MEFV: variants seen among roughly 807,000 people sequenced by gnomAD.
MEFV encodes MEFV innate immunity regulator, pyrin.
A neutral mutation model predicts 62.5 loss-of-function variants in MEFV; 60 were observed. The observed-to-expected ratio is 0.96, with a 90% CI of 0.78 to 1.19. MEFV has a LOEUF of 1.19. Ranked by LOEUF, MEFV falls within the 50% of genes most tolerant of loss-of-function variation. The pLI is 0.00. For synonymous variants in MEFV, 500 were observed against 415.2 expected, an observed-to-expected ratio of 1.20 and a Z score of -2.48; for missense variants, 1,169 against 1,004.5, an observed-to-expected ratio of 1.16 and a Z score of -2.21.
In MEFV at chr16:3,254,658, C is replaced by A. The variant is rs750051449; in HGVS notation, c.410G>T (p.Gly137Val). 1 of 1,610,244 alleles carries A rather than the reference C, an allele frequency of 6.2e-7. No homozygotes were observed. Among genetic ancestry groups the A allele is most frequent in the South Asian group, 1.1e-5 (1 of 91,046 alleles). Residue 137 changes from glycine (G) to valine (V), a missense_variant, in exon 2 of 10, where the codon GGC (glycine) becomes GTC (valine). Physicochemically the swap from Gly to Val is moderately radical, Grantham distance 109. Transcript: ENST00000219596. ...GCTGCACCGCAGGCTGGCAGCTCCG[C>A]CCCCGTACGGCCGAGGGCCGTTCCC... ...NEGNGPRPYG[G>V]GAASLRCSQP...
At chr16:3,248,395 G>A (rs1958976380) in intron 4 of MEFV, 1 of 169,278 alleles carries the variant, frequency 5.9e-6, no homozygotes, top group African/African-American at 2.4e-5. Context: ...TTCGAGAACA[G>A]CCTGACCAAC....
In MEFV at chr16:3,247,166, G is replaced by C. The variant is rs104895083; in HGVS notation, c.1437C>G (p.Phe479Leu). The C allele has an allele frequency of 2.9e-5, 47 of 1,614,046 alleles. No individual in the cohort carries two copies. The highest frequency in any genetic ancestry group is 3.2e-5 in the Non-Finnish European group (38 of 1,180,040). ...CCACGTCCTCCAGTGAGGCCACAAAGAAATGCTCTTGCTGCTCCAGGAAGT... is the reference window on the plus strand; with the variant it reads ...CCACGTCCTCCAGTGAGGCCACAAACAAATGCTCTTGCTGCTCCAGGAAGT... ...VYYFLEQQEHFFVASLEDVGQ... is the reference protein window; with the variant it reads ...VYYFLEQQEHLFVASLEDVGQ... The change falls in exon 5 of 10, where the codon TTC becomes TTG. Residue 479 changes from phenylalanine to leucine, a missense_variant. Phe to Leu is a conservative substitution (Grantham distance 22). Transcript: ENST00000219596.
intron 6 of MEFV, 102 bp from the exon 7 acceptor site, chr16:3,244,690 C>G (rs1958912993): frequency 1.2e-5 from 10 of 861,182 alleles, no homozygotes; most frequent in Non-Finnish European, 1.9e-5. Flanking sequence ...GCACACCTAG[C>G]CCAGCCTGAG....
intron 7 of MEFV, 72 bp from the exon 8 acceptor site, chr16:3,244,358 T>C (rs1338070210): frequency 1.2e-6 from 2 of 1,610,812 alleles, no homozygotes; most frequent in Admixed American, 1.7e-5. Flanking sequence ...GGAGGAGAGG[T>C]TGAAGGCAGG....
intron 4 of MEFV, 87 bp from the exon 5 acceptor site, chr16:3,247,333 A>T: frequency 8.5e-7 from 1 of 1,180,130 alleles, no homozygotes; most frequent in Non-Finnish European, 1.2e-6. Flanking sequence ...CACCTCCTGG[A>T]GGTGGATAAG....
chr16:3,252,046 A>G (rs1567235969), intron 2 of MEFV: 2 of 307,708 alleles, frequency 6.5e-6, no homozygotes, highest in Non-Finnish European at 1.3e-5. Context: ...GCAAGACCCC[A>G]TATCTAAAAA....
intron 2 of MEFV, among the ~76,000 whole-genome samples, chr16:3,251,310 G>A (rs1181577456): frequency 6.6e-6 from 1 of 152,158 alleles, no homozygotes; most frequent in Non-Finnish European, 1.5e-5. Flanking sequence ...TGTAAATGGA[G>A]GTGTCACAAG....
At chr16:3,254,828 C>A in intron 1 of MEFV, 38 bp from the exon 2 acceptor site, 3 of 1,605,912 alleles carry the variant, frequency 1.9e-6, no homozygotes, top group African/African-American at 2.7e-5. Flanking sequence ...TGAAGCTGTC[C>A]CACGTTTAGG....
chr16:3,243,541 A>G lies in MEFV; in HGVS notation c.1946T>C (p.Leu649Pro), dbSNP rs104895108. Residue 649 changes from leucine (L) to proline (P), a missense_variant, in exon 10 of 10, where the codon CTC becomes CCC. Leu to Pro is a moderately conservative substitution (Grantham distance 98). Transcript: ENST00000219596. ...CACCTCCCAGTAACGGCGGCCAGAG[A>G]GGAAACTCGGAGAGCCCAGAACAAT... ...CIIVLGSPSF[L>P]SGRRYWEVEV... The G allele has an allele frequency of 6.2e-7, 1 of 1,613,736 alleles. No individual in the cohort carries two copies. Among genetic ancestry groups the G allele is most frequent in the South Asian group, 1.1e-5 (1 of 91,068 alleles).
chr16:3,245,495 A>T (rs1304800536), intron 6 of MEFV, among the ~76,000 whole-genome samples: 5 of 151,770 alleles, frequency 3.3e-5, no homozygotes, highest in African/African-American at 1.2e-4. Context: ...TTAGCTGGGC[A>T]TGGTGGCACG....
rs2141679569 is a variant in MEFV, at chr16:3,256,459, G to A, written c.129C>T (p.Ser43=). 1 of 1,614,224 alleles carries A rather than the reference G, an allele frequency of 6.2e-7. No individual in the cohort carries two copies. Among genetic ancestry groups the A allele is most frequent in the Non-Finnish European group, 8.5e-7 (1 of 1,180,042 alleles). ...VQKEHSRIPR[S]QIQRARPVKM... is the part of the protein sequence containing the mutation. ...TCACCGGCCTGGCTCTCTGGATCTG[G>A]CTCCGGGGGATCCTGGAGTGCTCCT... Residue 43 remains serine (S), a synonymous_variant, in exon 1 of 10, where the codon AGC becomes AGT. Transcript: ENST00000219596.
chr16:3,246,411 G>A, intron 6 of MEFV, 114 bp downstream of exon 6: 1 of 1,223,748 alleles, frequency 8.2e-7, no homozygotes, highest in South Asian at 1.2e-5. Context: ...GGAGGAGTCT[G>A]GAATCACAGA....
chr16:3,250,629 A>G lies in MEFV; in HGVS notation c.911-849T>C, dbSNP rs909961688. On this transcript the variant is annotated intron_variant, in intron 2 of 9. Transcript: ENST00000219596. ...CAAAGAAGGGGGGCATTATAGGGCT[A>G]AAGACTGGAACTCATCATGAAGACC... 4.0e-5 allele frequency among the ~76,000 whole-genome samples: 6 copies of G among 151,762 alleles called. No homozygotes were observed. The East Asian group carries it at 9.6e-4, about 24-fold the overall frequency.
chr16:3,254,479 C>G lies in MEFV; in HGVS notation c.589G>C (p.Gly197Arg), dbSNP rs765450054. The G allele has an allele frequency of 6.3e-7, 1 of 1,591,970 alleles. No homozygotes were observed. The highest frequency in any genetic ancestry group is 1.3e-5 in the African/African-American group (1 of 74,326). ...CTGCGCAGCCGGACCTCGGCCTGGC[C>G]CCCCTCTAGCGCCCTGCAGGGGCCG... ...SPGPCRALEG[G>R]QAEVRLRRNA... The change falls in exon 2 of 10, where the codon GGC becomes CGC. Residue 197 changes from glycine to arginine, a missense_variant. Transcript: ENST00000219596.
In MEFV at chr16:3,254,563, G is replaced by C; in HGVS notation, c.505C>G (p.Leu169Val). 3 of 1,567,372 alleles carry C rather than the reference G, an allele frequency of 1.9e-6. No individual in the cohort carries two copies. The highest frequency in any genetic ancestry group is 2.6e-6 in the Non-Finnish European group (3 of 1,160,450). ...GTCCGAGGCTTGCCCTGCGCGTCCA[G>C]GCCCTCCGAGGCCTTCTCTCTGCGT... Reference protein sequence around the residue: ...SKRREKASEGLDAQGKPRTRS... With the variant: ...SKRREKASEGVDAQGKPRTRS... The change falls in exon 2 of 10, where the codon CTG becomes GTG. Residue 169 changes from leucine to valine, a missense_variant. Transcript: ENST00000219596.
intron 2 of MEFV, among the ~76,000 whole-genome samples, chr16:3,251,752 C>T (rs1175561244): frequency 6.6e-6 from 1 of 152,138 alleles, no homozygotes; most frequent in Admixed American, 6.6e-5. Flanking sequence ...GATTTTCTAC[C>T]TGGTGTCCAT....
At chr16:3,248,678 G>A in intron 4 of MEFV, 1 of 1,341,060 alleles carries the variant, frequency 7.5e-7, no homozygotes, top group South Asian at 1.5e-5. Flanking sequence ...ACCATCTTCT[G>A]GTGAGTATGA....
intron 5 of MEFV, 57 bp downstream of exon 5, chr16:3,246,959 C>A: frequency 1.3e-6 from 2 of 1,519,956 alleles, no homozygotes; most frequent in South Asian, 2.2e-5. Context: ...AGCTGGGAGC[C>A]TGAGGCATCC....
chr16:3,249,636 C>T lies in MEFV; in HGVS notation c.1055G>A (p.Cys352Tyr). The T allele has an allele frequency of 6.2e-7, 1 of 1,613,828 alleles. No individual in the cohort carries two copies. The highest frequency in any genetic ancestry group is 1.7e-5 in the Admixed American group (1 of 59,978). Residue 352 changes from cysteine (C) to tyrosine (Y), a missense_variant, in exon 3 of 10, where the codon TGC becomes TAC. Cys to Tyr is a radical substitution (Grantham distance 194, BLOSUM62 -2). Transcript: ENST00000219596. ...PQASGSRSPG[C>Y]PRCQDSHERK... is the part of the protein sequence containing the mutation. Reference sequence around the variant, plus strand: ...TTCATGGGAGTCCTGGCACCGGGGGCAGCCAGGTGAGCGGCTGCCTGAGGC... The same window carrying T: ...TTCATGGGAGTCCTGGCACCGGGGGTAGCCAGGTGAGCGGCTGCCTGAGGC...
Sources: allele counts gnomAD v4.1 joint callset (sites outside exome capture counted in the v4.1 genomes callset), GRCh38; gene constraint gnomAD v4.1.1; transcripts MANE v1.5; gene names NCBI Gene and HGNC (gene_info 2026-07-23, HGNC 2026-07-21).